PTPRR: variants seen among roughly 807,000 people sequenced by gnomAD.
The protein encoded by PTPRR is protein tyrosine phosphatase receptor type R.
In PTPRR, 38 loss-of-function variants were observed where a neutral mutation model predicts 77.2. That is an observed-to-expected ratio of 0.49 (90% confidence interval 0.38 to 0.65). The LOEUF is 0.65. PTPRR is among the 30% of genes least tolerant of loss of function. The pLI is 0.00. For synonymous variants in PTPRR, 299 were observed against 283.1 expected (o/e 1.06, Z -0.57); for missense variants, 744 against 799.2 (o/e 0.93, Z 0.83).
rs189734797 is a variant in PTPRR, at chr12:70,812,426, G to A, written c.358-47648C>T. ...ATTTACTATCCCAGGTGGACTACTC[G>A]TGAAAGTGCTTTAAAGGAGGGAGAG... is the stretch of plus-strand genomic sequence containing the variant. On this transcript the variant is annotated intron_variant, in intron 2 of 13. Transcript: ENST00000283228. 4.3e-3 allele frequency among the ~76,000 whole-genome samples: 662 copies of A among 152,278 alleles called. 3 individuals carry two copies. The highest frequency in any genetic ancestry group is 7.3e-3 in the Admixed American group (111 of 15,298).
intron 2 of PTPRR, among the ~76,000 whole-genome samples, chr12:70,879,557 T>C (rs896033531): frequency 2.6e-5 from 4 of 152,230 alleles, no homozygotes; most frequent in Non-Finnish European, 5.9e-5. Flanking sequence ...GAAGGAGAAT[T>C]GGTCCCCAAC....
intron 2 of PTPRR, among the ~76,000 whole-genome samples, chr12:70,809,230 A>G (rs112295889): frequency 0.013 from 1,971 of 152,270 alleles, 53 homozygotes; most frequent in African/African-American, 0.045. Context: ...AAACACTGAC[A>G]TGATGCTTAG....
chr12:70,747,316 A>G (rs1054515600), intron 5 of PTPRR, among the ~76,000 whole-genome samples: 1 of 152,248 alleles, frequency 6.6e-6, no homozygotes. Context: ...AACAGAATTT[A>G]AAATATTGTT....
At chr12:70,749,780 G>C (rs568726241) in intron 5 of PTPRR, among the ~76,000 whole-genome samples, 4 of 152,084 alleles carry the variant, frequency 2.6e-5, no homozygotes, top group Non-Finnish European at 5.9e-5. Context: ...TGTTTTTATT[G>C]ATCCAAACAA....
chr12:70,660,444 T>C (rs192791347), intron 12 of PTPRR, among the ~76,000 whole-genome samples: 8 of 152,302 alleles, frequency 5.3e-5, no homozygotes, highest in Admixed American at 2.0e-4. Context: ...TTCATAAATT[T>C]GTTTCAACCT....
At chr12:70,892,361 G>A (rs553310757) in intron 2 of PTPRR, among the ~76,000 whole-genome samples, 1 of 152,102 alleles carries the variant, frequency 6.6e-6, no homozygotes, top group South Asian at 2.1e-4. Context: ...AAGGTAGGAG[G>A]CTCAGTACAA....
At chr12:70,833,464 A>G (rs552660062) in intron 2 of PTPRR, among the ~76,000 whole-genome samples, 1 of 152,268 alleles carries the variant, frequency 6.6e-6, no homozygotes, top group East Asian at 1.9e-4. Flanking sequence ...GCTGGAAGAC[A>G]TCAGTGTAAA....
Position 70,638,488 on chromosome 12 carries a change from G to A in PTPRR, c.*696C>T, listed in dbSNP as rs961945066. On this transcript the variant is annotated 3_prime_UTR_variant, in exon 14 of 14. Coordinates refer to ENST00000283228, the MANE Select transcript of PTPRR (RefSeq NM_002849.4). ...GTTCTGGAGCAGAAGCCACCTTTAT[G>A]CCCAATAATAGAGAGTAAATACATA... is the stretch of plus-strand genomic sequence containing the variant. 50 of 152,548 alleles carry A rather than the reference G, an allele frequency of 3.3e-4. No homozygotes were observed. Among genetic ancestry groups the A allele is most frequent in the African/African-American group, 1.2e-3 (48 of 41,420 alleles). The allele number at this position is 152,548 out of a possible 1,614,324, so 9.4% of individuals were successfully genotyped here.
At chr12:70,677,829 A>T (rs1019034901) in intron 10 of PTPRR, among the ~76,000 whole-genome samples, 7 of 152,090 alleles carry the variant, frequency 4.6e-5, no homozygotes, top group African/African-American at 1.7e-4. Flanking sequence ...TTTTATGAGC[A>T]TTTTTGCATG....
At chr12:70,851,800 T>C (rs548763589) in intron 2 of PTPRR, among the ~76,000 whole-genome samples, 5 of 152,306 alleles carry the variant, frequency 3.3e-5, no homozygotes, top group East Asian at 1.9e-4. Flanking sequence ...GTCAGAGATA[T>C]TGAAATGTGA....
intron 2 of PTPRR, among the ~76,000 whole-genome samples, chr12:70,764,995 G>A (rs1334356036): frequency 6.6e-6 from 1 of 152,118 alleles, no homozygotes; most frequent in Non-Finnish European, 1.5e-5. Context: ...AATTTTAAAT[G>A]GTATTAGTTA....
At chr12:70,901,960 T>C (rs972179344) in intron 1 of PTPRR, among the ~76,000 whole-genome samples, 11 of 151,014 alleles carry the variant, frequency 7.3e-5, no homozygotes, top group African/African-American at 2.7e-4. Flanking sequence ...CTCAAACAAA[T>C]CAGCAAGAAC....
intron 2 of PTPRR, among the ~76,000 whole-genome samples, chr12:70,816,352 A>G (rs79298663): frequency 6.6e-6 from 1 of 152,136 alleles, no homozygotes. Flanking sequence ...GTACTATAGT[A>G]GTAGTCACCA....
At chr12:70,845,095 G>T (rs1193990939) in intron 2 of PTPRR, among the ~76,000 whole-genome samples, 2 of 152,194 alleles carry the variant, frequency 1.3e-5, no homozygotes, top group Non-Finnish European at 2.9e-5. Context: ...TGGAAAGTTA[G>T]GGAAGACAGT....
intron 8 of PTPRR, among the ~76,000 whole-genome samples, chr12:70,685,522 T>G (rs1289654738): frequency 6.7e-6 from 1 of 148,912 alleles, no homozygotes; most frequent in African/African-American, 2.5e-5. Context: ...TGGTGGCTTA[T>G]GTCTGTGGTT....
chr12:70,700,923 A>G (rs1877540), intron 7 of PTPRR, among the ~76,000 whole-genome samples: 134,330 of 152,144 alleles, frequency 0.88, 59,483 homozygotes, highest in East Asian at 1. Context: ...TATTTGCCTC[A>G]CCAATTCTTG....
At chr12:70,804,500 A>G (rs575855499) in intron 2 of PTPRR, among the ~76,000 whole-genome samples, 1 of 152,166 alleles carries the variant, frequency 6.6e-6, no homozygotes, top group Admixed American at 6.6e-5. Context: ...TTGATGCTGC[A>G]GCTGCAGTAA....
At chr12:70,886,737 T>G (rs1194948453) in intron 2 of PTPRR, among the ~76,000 whole-genome samples, 1 of 152,236 alleles carries the variant, frequency 6.6e-6, no homozygotes, top group East Asian at 1.9e-4. Context: ...TTCTTGATAA[T>G]GAGATGTACT....
At chr12:70,754,386 C>T (rs1243040264) in intron 4 of PTPRR, 85 bp from the exon 5 acceptor site, 38 of 1,587,048 alleles carry the variant, frequency 2.4e-5, no homozygotes, top group Non-Finnish European at 2.9e-5. Context: ...ATATTTTTAG[C>T]CTTATTCCAT....
Sources: gnomAD v4.1 joint callset for allele counts (sites outside exome capture counted in the v4.1 genomes callset) on GRCh38, gnomAD v4.1.1 for gene constraint, MANE v1.5 for transcripts, NCBI Gene and HGNC (gene_info 2026-07-23, HGNC 2026-07-21) for gene names.